RIF1: variants seen among roughly 807,000 people sequenced by gnomAD.
RIF1 encodes the protein telomere-associated protein RIF1.
In RIF1, 45 loss-of-function variants were observed where a neutral mutation model predicts 247.1. The observed-to-expected ratio is 0.18, with a 90% CI of 0.14 to 0.23. The LOEUF is 0.23. Ranked by LOEUF, RIF1 falls within the 10% of genes least tolerant of loss-of-function variation. RIF1 has a pLI of 1.00. For synonymous variants in RIF1, 1,087 were observed against 978.8 expected (o/e 1.11, Z -2.06); for missense variants, 2,967 against 2,862.5 (o/e 1.04, Z -0.83).
intron 18 of RIF1, 94 bp from the exon 19 acceptor site, chr2:151,445,244 C>G: frequency 1.3e-6 from 1 of 753,178 alleles, no homozygotes. Flanking sequence ...TTGGGGAACA[C>G]AGTTTTGCCC....
intron 6 of RIF1, among the ~76,000 whole-genome samples, chr2:151,417,428 C>A (rs997124431): frequency 6.6e-6 from 1 of 152,082 alleles, no homozygotes; most frequent in African/African-American, 2.4e-5. Context: ...CTGATTGATG[C>A]TAAGATTATG....
At chr2:151,424,437 T>TA (rs1287957586) in intron 8 of RIF1, among the ~76,000 whole-genome samples, 8 of 152,202 alleles carry the variant, frequency 5.3e-5, no homozygotes. Flanking sequence ...TGTCATAACA[T>TA]ATATTAAAGT....
intron 11 of RIF1, among the ~76,000 whole-genome samples, chr2:151,499,749 G>A (rs987251261): frequency 2.6e-5 from 4 of 152,154 alleles, no homozygotes; most frequent in African/African-American, 9.7e-5. Context: ...TACAAAAAGC[G>A]TTTGTCTTAC....
chr2:151,501,621 A>T (rs1332703298), intron 11 of RIF1: 4 of 476,138 alleles, frequency 8.4e-6, no homozygotes, highest in Non-Finnish European at 1.5e-5. Context: ...TTAAAAATAG[A>T]GTTAACTATA....
chr2:151,427,085 TTTG>T (rs530732896), intron 8 of RIF1, among the ~76,000 whole-genome samples: 6 of 152,224 alleles, frequency 3.9e-5, no homozygotes, highest in Non-Finnish European at 8.8e-5. Flanking sequence ...ACCTTTTTTT[TTTG>T]TTACCGGTTT....
In RIF1 at chr2:151,502,862, C is replaced by T; in HGVS notation, c.*710-172C>T. 1 of 1,600,894 alleles carries T rather than the reference C, an allele frequency of 6.2e-7. No homozygotes were observed. Among genetic ancestry groups the T allele is most frequent in the Non-Finnish European group, 8.5e-7 (1 of 1,173,574 alleles). On this transcript the variant is annotated intron_variant and NMD_transcript_variant, in intron 11 of 13. Coordinates refer to the RIF1 transcript ENST00000454583. ...GAGTGATAGGTGTTGGGATTCCTTT[C>T]CCCAAATTTTCTTTGTACAAAACCT...
intron 9 of RIF1, among the ~76,000 whole-genome samples, chr2:151,487,321 G>A (rs2051550245): frequency 6.6e-6 from 1 of 152,170 alleles, no homozygotes; most frequent in Non-Finnish European, 1.5e-5. Context: ...TTTCTTCCTA[G>A]GAGCAGCCAC....
At chr2:151,532,015 A>G in the RIF1 span, 1 of 634,482 alleles carries the variant, frequency 1.6e-6, no homozygotes, top group Non-Finnish European at 2.7e-6. Flanking sequence ...TTTAATTCCT[A>G]ACTGGAAATG....
intron 26 of RIF1, among the ~76,000 whole-genome samples, chr2:151,460,594 C>T (rs1028339148): frequency 3.3e-5 from 5 of 152,136 alleles, no homozygotes; most frequent in Admixed American, 3.3e-4. Flanking sequence ...TCTTCCATGA[C>T]CTCCAGTAAA....
chr2:151,456,714 A>G (rs1041633449), intron 23 of RIF1, 94 bp downstream of exon 23: 2 of 726,554 alleles, frequency 2.8e-6, no homozygotes, highest in African/African-American at 3.7e-5. Flanking sequence ...GCTGATTTTT[A>G]AAGGGGTTAT....
chr2:151,498,493 G>T, intron 10 of RIF1: 1 of 609,724 alleles, frequency 1.6e-6, no homozygotes, highest in South Asian at 2.4e-5. Context: ...GACTCAACCT[G>T]TTTGTTTGAG....
At chr2:151,520,298 C>T in the RIF1 span, among the ~76,000 whole-genome samples, 3 of 152,102 alleles carry the variant, frequency 2.0e-5, no homozygotes, top group Non-Finnish European at 4.4e-5. Context: ...AATGGTATAA[C>T]TCCTGAGTAA....
chr2:151,435,528 G>A lies in RIF1; in HGVS notation c.1143G>A (p.Ser381=), dbSNP rs149346205. 1.4e-5 allele frequency: 23 copies of A among 1,612,128 alleles called. No individual in the cohort carries two copies. The highest frequency in any genetic ancestry group is 5.0e-5 in the Admixed American group (3 of 59,978). Residue 381 remains serine (S), a synonymous_variant, in exon 11 of 36, where the codon TCG becomes TCA. Transcript: ENST00000444746. Reference sequence around the variant, plus strand: ...CTAATGCCTCACCTCAGGGCAATTCGTGTCATGTAGCTACATCTCCAGGTT... The same window carrying A: ...CTAATGCCTCACCTCAGGGCAATTCATGTCATGTAGCTACATCTCCAGGTT... ...IDSNASPQGN[S]CHVATSPGLN...
chr2:151,519,711 T>C, the RIF1 span: 4 of 1,613,504 alleles, frequency 2.5e-6, no homozygotes, highest in Admixed American at 3.3e-5. Context: ...TGGCTGTCTT[T>C]TGGATTGTAT....
At chr2:151,431,278 A>C (rs1013136393) in intron 9 of RIF1, among the ~76,000 whole-genome samples, 1 of 152,150 alleles carries the variant, frequency 6.6e-6, no homozygotes, top group Non-Finnish European at 1.5e-5. Context: ...TTCACAGCTT[A>C]CTCACCTATA....
intron 4 of RIF1, among the ~76,000 whole-genome samples, chr2:151,415,931 T>C (rs908686670): frequency 6.6e-6 from 1 of 152,178 alleles, no homozygotes. Context: ...AGGGAAACTT[T>C]TATTCAGGCA....
At chr2:151,492,125 TC>T in intron 9 of RIF1, 2 of 1,613,934 alleles carry the variant, frequency 1.2e-6, no homozygotes, top group Non-Finnish European at 1.7e-6. Flanking sequence ...TCTTGGTCAT[TC>T]CGTTTTTGTT....
the RIF1 span, chr2:151,530,801 A>G: frequency 7.0e-6 from 3 of 430,710 alleles, no homozygotes; most frequent in Non-Finnish European, 1.2e-5. Flanking sequence ...TCTGCCAGCA[A>G]CATGGGGAGC....
chr2:151,474,025 G>C lies in RIF1; in HGVS notation c.7157G>C (p.Gly2386Ala). The C allele has an allele frequency of 6.3e-7, 1 of 1,591,202 alleles. No homozygotes were observed. The change falls in exon 35 of 36, where the codon GGA becomes GCA. Residue 2386 changes from glycine to alanine, a missense_variant. Transcript: ENST00000444746. ...VFDISEKTVNGIENKSLSPDE... is the reference protein window; with the variant it reads ...VFDISEKTVNAIENKSLSPDE... ...GATATTTCTGAAAAAACAGTAAATG[G>C]AATAGAAAATAAATCTTTGTCACCT... is the stretch of plus-strand genomic sequence containing the variant.
Sources: gnomAD v4.1 joint callset for allele counts (sites outside exome capture counted in the v4.1 genomes callset) on GRCh38, gnomAD v4.1.1 for gene constraint, MANE v1.5 for transcripts, NCBI Gene and HGNC (gene_info 2026-07-23, HGNC 2026-07-21) for gene names.